The following ATP11C variants were observed in gnomAD, a reference collection of about 807,000 sequenced individuals.
The protein encoded by ATP11C is phospholipid-transporting ATPase IG.
Under a neutral mutation model 97.4 loss-of-function variants are expected in ATP11C, and 36 were observed. The observed-to-expected ratio is 0.37, with a 90% CI of 0.28 to 0.49. The LOEUF is 0.49. Among genes scored for constraint, ATP11C ranks in the 20% least tolerant of loss-of-function variants. ATP11C has a pLI of 0.98. For synonymous variants in ATP11C, 275 were observed against 290.9 expected (o/e 0.95, Z 0.56); for missense variants, 730 against 824.6 (o/e 0.89, Z 1.40).
chrX:139,733,907 G>C, intron 28 of ATP11C, among the ~76,000 whole-genome samples: 1 of 111,722 alleles, frequency 9.0e-6, no homozygotes, highest in Non-Finnish European at 1.9e-5. Context: ...GAAAGCAGGA[G>C]AAAGCATGGA....
At chrX:139,739,567 A>C (rs1194605105) in intron 27 of ATP11C, among the ~76,000 whole-genome samples, 2 of 111,544 alleles carry the variant, frequency 1.8e-5, no homozygotes. Flanking sequence ...ACTTAATGAT[A>C]ATACTTCAGG....
chrX:139,745,266 T>C (rs1022697502), intron 25 of ATP11C, among the ~76,000 whole-genome samples: 4 of 111,172 alleles, frequency 3.6e-5, no homozygotes, highest in Non-Finnish European at 5.7e-5. Flanking sequence ...TGTGCTTCCA[T>C]TGGGAAGAGG....
intron 1 of ATP11C, among the ~76,000 whole-genome samples, chrX:139,866,498 G>A (rs936250108): frequency 2.7e-5 from 3 of 109,379 alleles, no homozygotes; most frequent in Admixed American, 9.9e-5. Flanking sequence ...TGGGCCGATC[G>A]CTTGAGTTCA....
Position 139,783,199 on chromosome X carries a change from C to G in ATP11C, c.1735G>C (p.Glu579Gln), listed in dbSNP as rs1030233190. 8 of 1,206,737 alleles carry G rather than the reference C, an allele frequency of 6.6e-6. No homozygotes were observed. In the African/African-American group the frequency reaches 1.4e-4, roughly 21 times the overall value. ...VFPRVQNHEI[E>Q]LTKVHVERNA... ...CGTTCCACATGGACTTTAGTTAACT[C>G]AATTTCATGATTTTGCACTCTGGGA... Residue 579 changes from glutamate (E) to glutamine (Q), a missense_variant, in exon 17 of 30, where the codon GAG becomes CAG. By Grantham distance (29) the Glu-to-Gln change is conservative. Coordinates refer to ENST00000682941, the MANE Select transcript of ATP11C (RefSeq NM_001353812.2).
At position 139,744,292 on chromosome X, in the gene ATP11C, C is replaced by A. The variant is rs766000440; in HGVS notation, c.2965-668G>T. Among the ~76,000 whole-genome samples, 6 of 112,022 alleles carry A rather than the reference C, an allele frequency of 5.4e-5. No individual in the cohort carries two copies. In the East Asian group the frequency reaches 1.4e-3, roughly 26 times the overall value. ...GTTAATAGAAGCAAAAAAAAGGATT[C>A]ACTCAAATCATACATGAGTGTTATG... On this transcript the variant is annotated intron_variant, in intron 25 of 29. Transcript: ENST00000682941.
chrX:139,808,634 G>A (rs900561275), intron 5 of ATP11C, among the ~76,000 whole-genome samples: 8 of 111,342 alleles, frequency 7.2e-5, no homozygotes, highest in Middle Eastern at 4.7e-3. Context: ...AATAATTTTC[G>A]TAATTGAAGG....
rs370402319 is a variant in ATP11C at position 139,930,404 on chromosome X, A to G, written c.27+1612T>C. On this transcript the variant is annotated intron_variant, in intron 1 of 29. Transcript: ENST00000682941. ...GGATTTCAACAACTTAAGTTTAATG[A>G]TTTTATTATGATTCAGAGCCCAGTT... 1.0e-4 allele frequency among the ~76,000 whole-genome samples: 11 copies of G among 110,255 alleles called. No individual in the cohort carries two copies. The East Asian group carries it at 2.3e-3, about 23-fold the overall frequency.
intron 18 of ATP11C, among the ~76,000 whole-genome samples, chrX:139,775,562 A>G (rs187678942): frequency 2.7e-5 from 3 of 112,684 alleles, no homozygotes; most frequent in South Asian, 7.3e-4. Flanking sequence ...TGGGATACAG[A>G]AAAGGGAAGA....
intron 1 of ATP11C, among the ~76,000 whole-genome samples, chrX:139,835,933 A>C (rs1330579790): frequency 1.0e-5 from 1 of 100,224 alleles, no homozygotes; most frequent in Non-Finnish European, 2.0e-5. Context: ...AGGCTGAGGC[A>C]GGAGAATCAC....
At chrX:139,810,328 G>GC (rs911611249) in intron 5 of ATP11C, among the ~76,000 whole-genome samples, 4 of 111,326 alleles carry the variant, frequency 3.6e-5, no homozygotes, top group Non-Finnish European at 3.8e-5. Context: ...GGTGGCGCAT[G>GC]CCTGTAATCC....
chrX:139,735,553 G>A (rs371975343), intron 28 of ATP11C, among the ~76,000 whole-genome samples: 2 of 111,972 alleles, frequency 1.8e-5, no homozygotes, highest in East Asian at 5.7e-4. Flanking sequence ...ATCACACAGA[G>A]TGTCAGACTG....
intron 1 of ATP11C, among the ~76,000 whole-genome samples, chrX:139,837,888 T>G (rs1443898597): frequency 1.8e-5 from 2 of 111,931 alleles, no homozygotes; most frequent in African/African-American, 6.5e-5. Flanking sequence ...AACTATTCCC[T>G]GCATGCTGAG....
At chrX:139,821,126 G>A (rs768208996) in intron 2 of ATP11C, among the ~76,000 whole-genome samples, 42 of 111,797 alleles carry the variant, frequency 3.8e-4, no homozygotes, top group African/African-American at 1.3e-3. Flanking sequence ...GGAATCCTCA[G>A]GGAAAAAACA....
chrX:139,888,216 C>T (rs1207638320), intron 1 of ATP11C, among the ~76,000 whole-genome samples: 1 of 107,787 alleles, frequency 9.3e-6, no homozygotes, highest in Non-Finnish European at 1.9e-5. Flanking sequence ...TCATTGCAAC[C>T]TCTGCCTCCC....
intron 28 of ATP11C, among the ~76,000 whole-genome samples, chrX:139,736,735 T>C (rs755640083): frequency 6.4e-4 from 71 of 111,354 alleles, no homozygotes; most frequent in Admixed American, 1.8e-3. Context: ...ATAAGACATG[T>C]AGAAAGCAGG....
chrX:139,738,078 GA>G lies in ATP11C; in HGVS notation c.3135-10del. 1 of 1,176,517 alleles carries G rather than the reference GA, an allele frequency of 8.5e-7. No individual in the cohort carries two copies. The highest frequency in any genetic ancestry group is 1.1e-6 in the Non-Finnish European group (1 of 876,496). ...GTTGCTTGAGAAAAGGCCTGCAGTGGAAAGAAAATACATGATGGAAAAACAA... is the reference window on the plus strand; with the variant it reads ...GTTGCTTGAGAAAAGGCCTGCAGTGGAAGAAAATACATGATGGAAAAACAA... On this transcript the variant is annotated splice_polypyrimidine_tract_variant and intron_variant, in intron 27 of 29. Coordinates refer to ENST00000682941, the MANE Select transcript of ATP11C (RefSeq NM_001353812.2).
chrX:139,924,096 A>T (rs372166670), intron 1 of ATP11C: 7 of 377,179 alleles, frequency 1.9e-5, no homozygotes, highest in African/African-American at 1.8e-4. Flanking sequence ...AATGAATGGG[A>T]GCAGTAACAA....
At chrX:139,780,668 T>C (rs1304827869) in intron 18 of ATP11C, among the ~76,000 whole-genome samples, 2 of 111,517 alleles carry the variant, frequency 1.8e-5, no homozygotes, top group Non-Finnish European at 3.8e-5. Context: ...TATCCACTCT[T>C]ACCACTCCTA....
At chrX:139,823,478 G>A (rs2083457437) in intron 2 of ATP11C, among the ~76,000 whole-genome samples, 1 of 111,927 alleles carries the variant, frequency 8.9e-6, no homozygotes, top group Admixed American at 9.5e-5. Context: ...TAAGCAAAAG[G>A]AGGCTTTAGA....
Sources: gnomAD v4.1 joint callset for allele counts (sites outside exome capture counted in the v4.1 genomes callset) on GRCh38, gnomAD v4.1.1 for gene constraint, MANE v1.5 for transcripts, NCBI Gene and HGNC (gene_info 2026-07-23, HGNC 2026-07-21) for gene names.